LARGE1: variants seen among roughly 807,000 people sequenced by gnomAD.
The protein encoded by LARGE1 is xylosyl- and glucuronyltransferase LARGE1.
LARGE1 carries 43 observed loss-of-function variants against 87.6 expected under a neutral mutation model. The ratio of observed to expected loss-of-function variants is 0.49; its 90% CI spans 0.38 to 0.63. The LOEUF (loss-of-function observed/expected upper bound fraction) is 0.63. Ranked by LOEUF, LARGE1 falls within the 30% of genes least tolerant of loss-of-function variation. The pLI is 0.00. For synonymous variants in LARGE1, 434 were observed against 394.6 expected (o/e 1.10, Z -1.18); for missense variants, 802 against 1,000.2 (o/e 0.80, Z 2.67).
intron 6 of LARGE1, among the ~76,000 whole-genome samples, chr22:33,514,323 C>T (rs1175169052): frequency 1.3e-5 from 2 of 151,896 alleles, no homozygotes; most frequent in African/African-American, 4.8e-5. Flanking sequence ...CACAGTTATG[C>T]CTGCATATGT....
At chr22:33,367,301 T>G (rs1019373894) in intron 9 of LARGE1, among the ~76,000 whole-genome samples, 1 of 152,206 alleles carries the variant, frequency 6.6e-6, no homozygotes, top group African/African-American at 2.4e-5. Context: ...TTCTTTTTTC[T>G]TGATGAGTCT....
intron 10 of LARGE1, among the ~76,000 whole-genome samples, chr22:33,336,489 C>T (rs550760991): frequency 8.5e-5 from 13 of 152,090 alleles, no homozygotes; most frequent in South Asian, 2.1e-4. Flanking sequence ...TGTGAGCCAC[C>T]GCGCCTGGCC....
chr22:33,695,769 G>A (rs2149352068), intron 2 of LARGE1, among the ~76,000 whole-genome samples: 1 of 152,218 alleles, frequency 6.6e-6, no homozygotes, highest in Middle Eastern at 3.4e-3. Flanking sequence ...ATAATGAAAT[G>A]CACAAATCAC....
chr22:33,418,373 T>C (rs2066576049), intron 7 of LARGE1, among the ~76,000 whole-genome samples: 1 of 152,138 alleles, frequency 6.6e-6, no homozygotes, highest in Non-Finnish European at 1.5e-5. Context: ...ACATAACATA[T>C]CCACAGGTTC....
chr22:33,615,660 T>G (rs546607491), intron 4 of LARGE1, among the ~76,000 whole-genome samples: 12 of 106,512 alleles, frequency 1.1e-4, no homozygotes, highest in South Asian at 1.0e-3. Flanking sequence ...TAAATTAGTG[T>G]TAAGGAAAAA....
the LARGE1 span, among the ~76,000 whole-genome samples, chr22:33,104,889 CTCTTTCTT>C: frequency 0.048 from 4,300 of 89,004 alleles, 112 homozygotes; most frequent in African/African-American, 0.084. Flanking sequence ...GACTTTCTCT[CTCTTTCTT>C]TCTTTCTTTC....
intron 6 of LARGE1, among the ~76,000 whole-genome samples, chr22:33,489,539 T>C (rs2069732526): frequency 6.6e-6 from 1 of 152,156 alleles, no homozygotes; most frequent in Non-Finnish European, 1.5e-5. Context: ...ACTGTTCCTG[T>C]GGTAGTGAAT....
intron 13 of LARGE1, 150 bp from the exon 14 acceptor site, chr22:33,277,405 C>A (rs1467556214): frequency 1.4e-6 from 1 of 730,502 alleles, no homozygotes; most frequent in Non-Finnish European, 2.4e-6. Context: ...GAAGTCCTAA[C>A]CCCCAGTACC....
chr22:33,604,325 ATT>A, intron 5 of LARGE1, 108 bp downstream of exon 5: 1 of 1,439,872 alleles, frequency 6.9e-7, no homozygotes, highest in Non-Finnish European at 9.7e-7. Flanking sequence ...CGCCCTACAC[ATT>A]TTCAGTTAGG....
At chr22:33,503,340 T>A (rs1364087566) in intron 6 of LARGE1, among the ~76,000 whole-genome samples, 1 of 147,314 alleles carries the variant, frequency 6.8e-6, no homozygotes, top group Non-Finnish European at 1.5e-5. Context: ...CACTGCAACC[T>A]CCGCCTTCCG....
At chr22:33,546,847 G>C (rs1318073901) in intron 6 of LARGE1, among the ~76,000 whole-genome samples, 1 of 152,150 alleles carries the variant, frequency 6.6e-6, no homozygotes, top group African/African-American at 2.4e-5. Context: ...GCCTCCCAAA[G>C]TGCTGGGATT....
intron 11 of LARGE1, among the ~76,000 whole-genome samples, chr22:33,179,369 T>G (rs1169243523): frequency 6.6e-6 from 1 of 152,130 alleles, no homozygotes; most frequent in Non-Finnish European, 1.5e-5. Flanking sequence ...ACCTGGATCT[T>G]TCTTCTCTTG....
chr22:33,798,735 A>G (rs1252846820), intron 1 of LARGE1, among the ~76,000 whole-genome samples: 3 of 152,154 alleles, frequency 2.0e-5, no homozygotes, highest in African/African-American at 2.4e-5. Context: ...AATATGCACA[A>G]AGAAAAACTG....
chr22:33,818,945 G>A (rs2086737940), intron 1 of LARGE1, among the ~76,000 whole-genome samples: 1 of 152,130 alleles, frequency 6.6e-6, no homozygotes, highest in Non-Finnish European at 1.5e-5. Flanking sequence ...TCTGATTAGG[G>A]CTGCAGGCTA....
At chr22:33,651,223 T>TAAAAAA (rs1371688457) in intron 2 of LARGE1, among the ~76,000 whole-genome samples, 1 of 17,146 alleles carries the variant, frequency 5.8e-5, no homozygotes, top group Non-Finnish European at 1.1e-4. Context: ...CTACTAAAAA[T>TAAAAAA]ACAAAAAAAA....
At chr22:33,198,676 C>CATACACACAT (rs60375534) in intron 11 of LARGE1, among the ~76,000 whole-genome samples, 2,763 of 148,544 alleles carry the variant, frequency 0.019, 94 homozygotes, top group African/African-American at 0.066. Flanking sequence ...CACACACACA[C>CATACACACAT]GTATCTAAAA....
intron 5 of LARGE1, among the ~76,000 whole-genome samples, chr22:33,568,069 A>G (rs1056586265): frequency 7.2e-5 from 11 of 152,182 alleles, no homozygotes; most frequent in African/African-American, 2.7e-4. Context: ...CAGTTACTTG[A>G]GGAGGGGAAG....
intron 7 of LARGE1, among the ~76,000 whole-genome samples, chr22:33,412,054 C>T (rs773738851): frequency 4.0e-4 from 61 of 152,236 alleles, no homozygotes; most frequent in East Asian, 5.8e-4. Flanking sequence ...GAGGCTGAGG[C>T]GGGCAGATCA....
At chr22:33,364,584 G>A (rs566736840) in intron 9 of LARGE1, among the ~76,000 whole-genome samples, 1 of 152,256 alleles carries the variant, frequency 6.6e-6, no homozygotes, top group Non-Finnish European at 1.5e-5. Flanking sequence ...TAAATTGCAT[G>A]CCATTTTAAG....
Sources: gnomAD v4.1 joint callset for allele counts (sites outside exome capture counted in the v4.1 genomes callset) on GRCh38, gnomAD v4.1.1 for gene constraint, MANE v1.5 for transcripts, NCBI Gene and HGNC (gene_info 2026-07-23, HGNC 2026-07-21) for gene names.